Variants in GPR19 observed in about 807,000 individuals in gnomAD.
GPR19 encodes the protein probable G protein-coupled receptor 19.
Under a neutral mutation model 28.5 loss-of-function variants are expected in GPR19, and 14 were observed. The ratio of observed to expected loss-of-function variants is 0.49; its 90% CI spans 0.32 to 0.77. The LOEUF is 0.77. Among genes scored for constraint, GPR19 ranks in the 30% least tolerant of loss-of-function variants. The probability of loss-of-function intolerance (pLI) is 0.03; values close to 1 mark genes in which losing one functional copy is unlikely to be tolerated. For synonymous variants in GPR19, 173 were observed against 184.1 expected, an observed-to-expected ratio of 0.94 and a Z score of 0.49; for missense variants, 409 against 504.1, an observed-to-expected ratio of 0.81 and a Z score of 1.81.
intron 2 of GPR19, among the ~76,000 whole-genome samples, chr12:12,694,908 A>G (rs1465753609): frequency 2.6e-5 from 4 of 152,188 alleles, no homozygotes; most frequent in Middle Eastern, 3.2e-3. Flanking sequence ...CACTTCACAC[A>G]TACAGCGCAG....
chr12:12,685,265 C>T (rs998066302), intron 2 of GPR19, among the ~76,000 whole-genome samples: 7 of 140,078 alleles, frequency 5.0e-5, no homozygotes, highest in African/African-American at 1.8e-4. Context: ...TAAATATGGT[C>T]TTTTTTTTTT....
rs1433670830 is a variant in GPR19 at position 12,661,495 on chromosome 12, T to C, written c.954A>G (p.Ile318Met). The C allele has an allele frequency of 1.2e-6, 2 of 1,613,468 alleles. No homozygotes were observed. Among genetic ancestry groups the C allele is most frequent in the East Asian group, 2.2e-5 (1 of 44,900 alleles). The change falls in exon 4 of 4, where the codon ATA (isoleucine) becomes ATG (methionine). Residue 318 changes from isoleucine (I) to methionine (M), a missense_variant. Coordinates refer to ENST00000651487, the MANE Select transcript of GPR19 (RefSeq NM_006143.3). The surrounding 1 kb of genome is among the most constrained non-coding windows in gnomAD (Gnocchi z 4.2). ...SSLVFTAITW[I>M]SFSSSASKPT... ...GTTTAGAGGCTGAAGAACTAAAGGA[T>C]ATCCATGTGATAGCTGTGAAAACAA...
the GPR19 span, among the ~76,000 whole-genome samples, chr12:12,713,373 C>T: frequency 2.0e-5 from 3 of 152,072 alleles, no homozygotes; most frequent in African/African-American, 7.2e-5. Flanking sequence ...CCTGATGCTC[C>T]TGTTACCACT....
chr12:12,688,991 T>C (rs1430386382), intron 2 of GPR19: 1 of 152,234 alleles, frequency 6.6e-6, no homozygotes, highest in African/African-American at 2.4e-5. Flanking sequence ...AGAGGTTTAA[T>C]TGTACACATT....
chr12:12,670,414 A>G (rs1945840674), intron 3 of GPR19, among the ~76,000 whole-genome samples: 1 of 152,204 alleles, frequency 6.6e-6, no homozygotes, highest in African/African-American at 2.4e-5. Flanking sequence ...AGTCAGTTGC[A>G]TCCTATTCCT....
intron 3 of GPR19, 32 bp from the exon 4 acceptor site, chr12:12,662,502 G>GA (rs1945695361): frequency 1.0e-5 from 15 of 1,503,278 alleles, no homozygotes; most frequent in Non-Finnish European, 1.4e-5. Flanking sequence ...GAGGCCTCCT[G>GA]TTAAAAAGGT....
intron 3 of GPR19, among the ~76,000 whole-genome samples, chr12:12,664,977 T>A (rs754789070): frequency 4.7e-5 from 7 of 148,596 alleles, no homozygotes; most frequent in Non-Finnish European, 1.0e-4. Context: ...AAAATTAGCA[T>A]TGTCCTAGAA....
chr12:12,679,909 T>C (rs1270182103), intron 3 of GPR19, among the ~76,000 whole-genome samples: 3 of 152,214 alleles, frequency 2.0e-5, no homozygotes, highest in Non-Finnish European at 4.4e-5. Flanking sequence ...TTATTGATTT[T>C]CTATGATAAT....
At chr12:12,676,124 G>C (rs776202782) in intron 3 of GPR19, among the ~76,000 whole-genome samples, 1 of 152,114 alleles carries the variant, frequency 6.6e-6, no homozygotes, top group Non-Finnish European at 1.5e-5. Flanking sequence ...AAATCTTAAA[G>C]AGTATAGTGC....
At chr12:12,702,888 A>ATC in the GPR19 span, among the ~76,000 whole-genome samples, 1 of 152,238 alleles carries the variant, frequency 6.6e-6, no homozygotes, top group African/African-American at 2.4e-5. Context: ...ACTGACATGA[A>ATC]TCTCATCATG....
At chr12:12,697,152 G>GAAAAAAAAAAAAAAAAAAAA (rs1565413527), upstream of GPR19, among the ~76,000 whole-genome samples, 1 of 5,262 alleles carries the variant, frequency 1.9e-4, no homozygotes, top group Non-Finnish European at 5.7e-4. Flanking sequence ...TTGAAGCGAA[G>GAAAAAAAAAAAAAAAAAAAA]TAAAAAAAAA....
upstream of GPR19, among the ~76,000 whole-genome samples, chr12:12,699,019 T>C (rs913508987): frequency 6.6e-6 from 1 of 152,110 alleles, no homozygotes; most frequent in South Asian, 2.1e-4. Context: ...AGTATGAGCA[T>C]TGAAATTAGC....
chr12:12,713,385 C>T, the GPR19 span, among the ~76,000 whole-genome samples: 2 of 152,068 alleles, frequency 1.3e-5, no homozygotes, highest in Non-Finnish European at 2.9e-5. Context: ...GTTACCACTC[C>T]CCACTTGCTC....
chr12:12,712,325 C>T, the GPR19 span, among the ~76,000 whole-genome samples: 1 of 152,226 alleles, frequency 6.6e-6, no homozygotes, highest in Admixed American at 6.5e-5. Context: ...GTCATATCAC[C>T]CTCAGCCCCA....
upstream of GPR19, among the ~76,000 whole-genome samples, chr12:12,701,171 A>G (rs1412778670): frequency 6.6e-6 from 1 of 152,130 alleles, no homozygotes; most frequent in East Asian, 1.9e-4. Flanking sequence ...TTAATGTTGT[A>G]AAAAACTCTT....
chr12:12,714,603 G>C, the GPR19 span, among the ~76,000 whole-genome samples: 1 of 152,160 alleles, frequency 6.6e-6, no homozygotes, highest in Non-Finnish European at 1.5e-5. Context: ...GGGTTTTGGG[G>C]AAACAGCTCA....
At chr12:12,677,028 T>G (rs1945941587) in intron 3 of GPR19, among the ~76,000 whole-genome samples, 1 of 152,166 alleles carries the variant, frequency 6.6e-6, no homozygotes, top group African/African-American at 2.4e-5. Context: ...GAAGGACTTG[T>G]TAAGAAGCGA....
At chr12:12,667,394 T>C (rs932469243) in intron 3 of GPR19, among the ~76,000 whole-genome samples, 1 of 152,158 alleles carries the variant, frequency 6.6e-6, no homozygotes, top group African/African-American at 2.4e-5. Flanking sequence ...TGGGTTGTCA[T>C]AGCACAGAAC....
At chr12:12,701,241 C>CT in the GPR19 span, among the ~76,000 whole-genome samples, 76 of 152,282 alleles carry the variant, frequency 5.0e-4, no homozygotes, top group Non-Finnish European at 8.7e-4. Flanking sequence ...GAATTTTCTG[C>CT]TTTTTTTCTT....
Sources: allele counts gnomAD v4.1 joint callset (sites outside exome capture counted in the v4.1 genomes callset), GRCh38; gene constraint gnomAD v4.1.1; non-coding constraint Gnocchi (gnomAD v3.1); transcripts MANE v1.5; gene names NCBI Gene and HGNC (gene_info 2026-07-23, HGNC 2026-07-21).